The following MSH6 variants were observed in gnomAD, a reference collection of about 807,000 sequenced individuals.
The protein encoded by MSH6 is DNA mismatch repair protein Msh6.
In MSH6, 85 loss-of-function variants were observed where a neutral mutation model predicts 119.1. The observed-to-expected ratio is 0.71, with a 90% CI of 0.60 to 0.85. The LOEUF (loss-of-function observed/expected upper bound fraction) is 0.85, where lower values mean the gene tolerates loss of function less well. MSH6 is among the 40% of genes least tolerant of loss of function. The pLI is 0.00. For missense variants in MSH6, 2,163 were observed against 1,655.3 expected, an observed-to-expected ratio of 1.31 and a Z score of -5.32; for synonymous variants, 830 against 586.9, an observed-to-expected ratio of 1.41 and a Z score of -5.99.
intron 3 of MSH6, among the ~76,000 whole-genome samples, chr2:47,797,058 G>A (rs1160092245): frequency 6.6e-6 from 1 of 152,172 alleles, no homozygotes; most frequent in South Asian, 2.1e-4. Context: ...CCAGGATGGC[G>A]TTTAAATCAG....
At position 47,803,488 on chromosome 2, in the gene MSH6, T is replaced by C. The variant is rs776291404; in HGVS notation, c.3241T>C (p.Leu1081=). 6.2e-7 allele frequency: 1 copy of C among 1,614,176 alleles called. No homozygotes were observed. Among genetic ancestry groups the C allele is most frequent in the African/African-American group, 1.3e-5 (1 of 75,030 alleles). ...DGPMCRPVIL[L]PEDTPPFLEL... ...TCCTATGTGTCGCCCAGTAATTCTG[T>C]TGCCGGAAGATACCCCCCCCTTCTT... Residue 1081 remains leucine, a synonymous_variant, in exon 5 of 10, where the codon TTG becomes CTG. Transcript: ENST00000234420.
intron 4 of MSH6, among the ~76,000 whole-genome samples, chr2:47,802,911 G>GTTTGT (rs1156863117): frequency 6.6e-6 from 1 of 151,946 alleles, no homozygotes; most frequent in East Asian, 1.9e-4. Context: ...GCTGTTTTGT[G>GTTTGT]TTTGTTTTGT....
At chr2:47,809,204 A>G, downstream of MSH6, 1 of 1,607,812 alleles carries the variant, frequency 6.2e-7, no homozygotes. Flanking sequence ...GATATTTTAT[A>G]TAAACATTGG....
intron 1 of MSH6, among the ~76,000 whole-genome samples, chr2:47,788,914 T>TTTTTTC (rs1668537574): frequency 1.8e-5 from 1 of 56,774 alleles, no homozygotes; most frequent in Non-Finnish European, 3.8e-5. Flanking sequence ...TTCCTTTTTT[T>TTTTTTC]TTTTTTTGTT....
At chr2:47,808,005 A>C, downstream of MSH6, 1 of 985,812 alleles carries the variant, frequency 1.0e-6, no homozygotes, top group South Asian at 1.6e-5. Flanking sequence ...TTGTGTATCC[A>C]TTTTTAATAC....
rs954472248 is a variant in MSH6 at position 47,783,983 on chromosome 2, G to C, written c.260+490G>C. 17 of 1,035,024 alleles carry C rather than the reference G, an allele frequency of 1.6e-5. No homozygotes were observed. In the African/African-American group the frequency reaches 2.9e-4, roughly 17 times the overall value. The allele number at this position is 1,035,024 out of a possible 1,614,324, so 64.1% of individuals were successfully genotyped here. The stretch of plus-strand genomic sequence containing the variant: ...TCCGGTGGTGTGGGGTGCGAAAGGA[G>C]GTTCCTCGGCCGGCGCGGAGATAGT... On this transcript the variant is annotated intron_variant, in intron 1 of 9. Coordinates refer to ENST00000234420, the MANE Select transcript of MSH6 (RefSeq NM_000179.3).
intron 1 of MSH6, 100 bp downstream of exon 1, chr2:47,783,593 C>T: frequency 8.2e-7 from 1 of 1,226,786 alleles, no homozygotes; most frequent in Non-Finnish European, 1.1e-6. Context: ...GGGTGCACGG[C>T]CTGGCCCTGG....
rs1491155839 is a variant in MSH6, at chr2:47,788,906, C to CTTTTTTTTTTTTTTTTTTTTTTTT, written c.261-2021_261-2020insTTTTTTTTTTTTTTTTTTTTTTTT. On this transcript the variant is annotated intron_variant, in intron 1 of 9. Transcript: ENST00000234420. ...GCTATTTCTTTCTTTCTTTCTTCTT[C>CTTTTTTTTTTTTTTTTTTTTTTTT]CTTTTTTTTTTTTTTGTTTTTTTTT... Among the ~76,000 whole-genome samples the CTTTTTTTTTTTTTTTTTTTTTTTT allele has an allele frequency of 2.2e-3, 35 of 15,832 alleles. 8 individuals carry two copies. Among genetic ancestry groups the CTTTTTTTTTTTTTTTTTTTTTTTT allele is most frequent in the South Asian group, 4.1e-3 (2 of 486 alleles). 10.4% of individuals were successfully genotyped at this position (15,832 alleles called of 152,430 possible). A position where few individuals can be genotyped will look rare whatever the true frequency, so the allele number is the denominator to read the frequency against.
In MSH6 at chr2:47,799,737, T is replaced by A. The variant is rs587779220; in HGVS notation, c.1754T>A (p.Leu585Gln). The stretch of plus-strand genomic sequence containing the variant: ...CGCCATTGTTCGAGATTTAGGACTC[T>A]AGTGGCACACTATCCCCCAGTACAA... ...DDRHCSRFRT[L>Q]VAHYPPVQVL... Residue 585 changes from leucine to glutamine, a missense_variant, in exon 4 of 10, where the codon CTA (leucine) becomes CAA (glutamine). Transcript: ENST00000234420. 1 of 1,614,100 alleles carries A rather than the reference T, an allele frequency of 6.2e-7. No homozygotes were observed. The highest frequency in any genetic ancestry group is 8.5e-7 in the Non-Finnish European group (1 of 1,180,044).
intron 4 of MSH6, among the ~76,000 whole-genome samples, chr2:47,802,355 A>G (rs1028227476): frequency 6.6e-6 from 1 of 152,104 alleles, no homozygotes; most frequent in Non-Finnish European, 1.5e-5. Context: ...AATTTTTTAG[A>G]GACGGGGTCT....
downstream of MSH6, chr2:47,809,469 T>C (rs1670462899): frequency 5.3e-6 from 4 of 748,558 alleles, no homozygotes; most frequent in Non-Finnish European, 8.5e-6. Context: ...CAAAGCTCTG[T>C]TTCTTTCAAA....
chr2:47,801,762 TAGGTAGCTAGGATTTAC>T (rs1669612562), intron 4 of MSH6, among the ~76,000 whole-genome samples: 1 of 152,130 alleles, frequency 6.6e-6, no homozygotes, highest in South Asian at 2.1e-4. Context: ...GTCAGCCTCT[TAGGTAGCTAGGATTTAC>T]AGGTAAGCAC....
Position 47,806,769 on chromosome 2 carries a change from T to TTTA in MSH6, c.4002-10_4002-9insTTA, listed in dbSNP as rs1670201397. Reference sequence around the variant, plus strand: ...AAAAAAACTTTTTTTTTTTTTTTTTTAATTTTAAGGGAAGTTTGCCTGGCT... The same window carrying TTTA: ...AAAAAAACTTTTTTTTTTTTTTTTTTTTAAATTTTAAGGGAAGTTTGCCTGGCT... On this transcript the variant is annotated splice_polypyrimidine_tract_variant and intron_variant, in intron 9 of 9. Transcript: ENST00000234420. 6.5e-7 allele frequency: 1 copy of TTTA among 1,541,870 alleles called. No individual in the cohort carries two copies. The highest frequency in any genetic ancestry group is 1.5e-5 in the African/African-American group (1 of 68,622).
chr2:47,800,881 C>T lies in MSH6; in HGVS notation c.2898C>T (p.Thr966=), dbSNP rs772786755. Reference sequence around the variant, plus strand: ...AGCGCAACAGAATTGGCTGTAGGACCATAGTCTATTGGGGGATTGGTAGGA... The same window carrying T: ...AGCGCAACAGAATTGGCTGTAGGACTATAGTCTATTGGGGGATTGGTAGGA... ...EKQRNRIGCR[T]IVYWGIGRNR... The change falls in exon 4 of 10, where the codon ACC becomes ACT. Residue 966 remains threonine, a synonymous_variant. Transcript: ENST00000234420. The T allele has an allele frequency of 1.2e-6, 2 of 1,611,860 alleles. No homozygotes were observed. The highest frequency in any genetic ancestry group is 1.7e-5 in the Admixed American group (1 of 59,484).
At chr2:47,796,669 A>C (rs1352130352) in intron 3 of MSH6, among the ~76,000 whole-genome samples, 1 of 152,242 alleles carries the variant, frequency 6.6e-6, no homozygotes, top group Non-Finnish European at 1.5e-5. Context: ...GTGAATTAAA[A>C]CTTGTTAGGG....
Position 47,800,390 on chromosome 2 carries a change from G to C in MSH6, c.2407G>C (p.Asp803His), listed in dbSNP as rs1553413770. 2 of 1,614,050 alleles carry C rather than the reference G, an allele frequency of 1.2e-6. No homozygotes were observed. The highest frequency in any genetic ancestry group is 1.7e-6 in the Non-Finnish European group (2 of 1,180,020). The change falls in exon 4 of 10, where the codon GAC (aspartate) becomes CAC (histidine). Residue 803 changes from aspartate (D) to histidine (H), a missense_variant. Asp to His is a moderately conservative substitution (Grantham distance 81). Coordinates refer to ENST00000234420, the MANE Select transcript of MSH6 (RefSeq NM_000179.3). ...DAIEDLMVVPDKISEVVELLK... is the reference protein window; with the variant it reads ...DAIEDLMVVPHKISEVVELLK... ...CATAGAAGACCTCATGGTTGTGCCT[G>C]ACAAAATCTCCGAAGTTGTAGAGCT...
In MSH6 at chr2:47,800,838, T is replaced by C. The variant is rs587781743; in HGVS notation, c.2855T>C (p.Leu952Pro). The C allele has an allele frequency of 1.2e-6, 2 of 1,613,994 alleles. No individual in the cohort carries two copies. The highest frequency in any genetic ancestry group is 1.7e-6 in the Non-Finnish European group (2 of 1,180,020). The change falls in exon 4 of 10, where the codon CTG becomes CCG. Residue 952 changes from leucine to proline, a missense_variant. Transcript: ENST00000234420. ...ATAAGAGAAAATGAACAGAGCCTCC[T>C]GGAATACCTAGAGAAACAGCGCAAC... ...ADIRENEQSL[L>P]EYLEKQRNRI...
intron 4 of MSH6, among the ~76,000 whole-genome samples, chr2:47,802,140 A>AT (rs1400440508): frequency 6.6e-6 from 1 of 152,204 alleles, no homozygotes; most frequent in Admixed American, 6.5e-5. Context: ...TCTGCATACA[A>AT]TTTTAAAAGA....
At position 47,803,503 on chromosome 2, in the gene MSH6, C is replaced by A. The variant is rs756108143; in HGVS notation, c.3256C>A (p.Pro1086Thr). Residue 1086 changes from proline (P) to threonine (T), a missense_variant, in exon 5 of 10, where the codon CCC becomes ACC. Transcript: ENST00000234420. ...RPVILLPEDT[P>T]PFLELKGSRH... ...AGTAATTCTGTTGCCGGAAGATACC[C>A]CCCCCTTCTTAGAGCTTAAAGGATC... is the stretch of plus-strand genomic sequence containing the variant. 1.2e-6 allele frequency: 2 copies of A among 1,614,054 alleles called. No homozygotes were observed. Among genetic ancestry groups the A allele is most frequent in the African/African-American group, 1.3e-5 (1 of 74,998 alleles).
Sources: gnomAD v4.1 joint callset for allele counts (sites outside exome capture counted in the v4.1 genomes callset) on GRCh38, gnomAD v4.1.1 for gene constraint, MANE v1.5 for transcripts, NCBI Gene and HGNC (gene_info 2026-07-23, HGNC 2026-07-21) for gene names.